TARBP1: variants seen among roughly 807,000 people sequenced by gnomAD.
The protein encoded by TARBP1 is tRNA (guanosine(18)-2'-O)-methyltransferase TARBP1.
TARBP1 carries 144 observed loss-of-function variants against 178.6 expected under a neutral mutation model. The ratio of observed to expected loss-of-function variants is 0.81; its 90% CI spans 0.70 to 0.93. The LOEUF (loss-of-function observed/expected upper bound fraction) is 0.93. Ranked by LOEUF, TARBP1 falls within the 40% of genes least tolerant of loss-of-function variation. The pLI, the probability that TARBP1 is intolerant of heterozygous loss-of-function variation, is 0.00. For synonymous variants in TARBP1, 787 were observed against 781.0 expected (o/e 1.01, Z -0.13); for missense variants, 2,067 against 2,011.7 (o/e 1.03, Z -0.53).
At chr1:234,419,045 G>T (rs1172829660) in intron 21 of TARBP1, among the ~76,000 whole-genome samples, 7 of 152,086 alleles carry the variant, frequency 4.6e-5, no homozygotes, top group Middle Eastern at 3.4e-3. Flanking sequence ...GGTGGTGGGC[G>T]CCTGTAGTCC....
chr1:234,452,047 T>C (rs952511739), intron 9 of TARBP1, among the ~76,000 whole-genome samples: 2 of 152,358 alleles, frequency 1.3e-5, no homozygotes, highest in African/African-American at 2.4e-5. Context: ...ACAGGCATGA[T>C]TCTGCTGTAT....
intron 12 of TARBP1, among the ~76,000 whole-genome samples, chr1:234,441,661 T>C (rs72763888): frequency 0.12 from 18,434 of 152,236 alleles, 1,495 homozygotes; most frequent in East Asian, 0.32. Flanking sequence ...TTAGAACATT[T>C]CATCACCTCA....
chr1:234,438,080 C>A lies in TARBP1; in HGVS notation c.2135-708G>T, dbSNP rs115249543. On this transcript the variant is annotated intron_variant, in intron 12 of 29. Coordinates refer to ENST00000040877, the MANE Select transcript of TARBP1 (RefSeq NM_005646.4). The stretch of plus-strand genomic sequence containing the variant: ...AAGAGCATGGCAAAGGAGGTGAAGA[C>A]AAAACTGACAGCAGAAGCAGCACCC... Among the ~76,000 whole-genome samples, 1,094 of 152,166 alleles carry A rather than the reference C, an allele frequency of 7.2e-3. 12 individuals carry two copies. The highest frequency in any genetic ancestry group is 0.025 in the African/African-American group (1,038 of 41,498).
chr1:234,472,849 T>C, intron 1 of TARBP1, 38 bp from the exon 2 acceptor site: 1 of 1,477,420 alleles, frequency 6.8e-7, no homozygotes, highest in Non-Finnish European at 9.3e-7. Flanking sequence ...TTCTTCCTTT[T>C]GCAAATTTCA....
intron 12 of TARBP1, among the ~76,000 whole-genome samples, chr1:234,445,625 A>T (rs36122810): frequency 0.3 from 45,721 of 151,986 alleles, 7,081 homozygotes; most frequent in Admixed American, 0.41. Context: ...TAAAGTAGTT[A>T]AAAAAATATC....
At chr1:234,460,841 A>C (rs1667783764) in intron 6 of TARBP1, among the ~76,000 whole-genome samples, 1 of 152,258 alleles carries the variant, frequency 6.6e-6, no homozygotes, top group South Asian at 2.1e-4. Context: ...TATACAGTGA[A>C]ATACTATTCA....
At chr1:234,451,964 T>C (rs1666829643) in intron 9 of TARBP1, among the ~76,000 whole-genome samples, 1 of 152,152 alleles carries the variant, frequency 6.6e-6, no homozygotes, top group Admixed American at 6.5e-5. Flanking sequence ...TTTGCATTCC[T>C]CTAAAACTGG....
intron 14 of TARBP1, among the ~76,000 whole-genome samples, chr1:234,432,481 A>G (rs1664558863): frequency 6.6e-6 from 1 of 152,072 alleles, no homozygotes. Flanking sequence ...TGCATACATT[A>G]CTCCAAAAAC....
chr1:234,458,894 C>T (rs1015239477), intron 8 of TARBP1, among the ~76,000 whole-genome samples: 1 of 152,160 alleles, frequency 6.6e-6, no homozygotes, highest in Admixed American at 6.5e-5. Flanking sequence ...GGGACGTGGT[C>T]ATGCAGGCAC....
intron 19 of TARBP1, 98 bp downstream of exon 19, chr1:234,427,219 T>C (rs112668293): frequency 2.6e-6 from 2 of 770,480 alleles, no homozygotes; most frequent in South Asian, 3.8e-5. Flanking sequence ...ATATTAGATG[T>C]CACTTATTAA....
chr1:234,410,883 G>C (rs1280910688), intron 22 of TARBP1, among the ~76,000 whole-genome samples: 1 of 152,186 alleles, frequency 6.6e-6, no homozygotes, highest in Non-Finnish European at 1.5e-5. Context: ...GATCAGCTTG[G>C]CCAACATGGT....
At chr1:234,397,073 G>A (rs997837287) in intron 26 of TARBP1, among the ~76,000 whole-genome samples, 1 of 149,706 alleles carries the variant, frequency 6.7e-6, no homozygotes, top group African/African-American at 2.5e-5. Context: ...ATCGGCTGGG[G>A]AGAGTCAGAA....
intron 26 of TARBP1, among the ~76,000 whole-genome samples, chr1:234,395,020 T>G (rs1303410264): frequency 6.6e-6 from 1 of 151,558 alleles, no homozygotes; most frequent in African/African-American, 2.4e-5. Context: ...GGTCAGGAGT[T>G]TGAGGCCGGC....
intron 13 of TARBP1, among the ~76,000 whole-genome samples, chr1:234,436,657 T>C (rs1665054329): frequency 1.3e-5 from 2 of 152,248 alleles, no homozygotes; most frequent in Non-Finnish European, 2.9e-5. Flanking sequence ...TCTTATTTTA[T>C]TGGCAATGTA....
intron 10 of TARBP1, among the ~76,000 whole-genome samples, chr1:234,449,320 T>C (rs894412428): frequency 2.6e-5 from 4 of 152,194 alleles, no homozygotes; most frequent in African/African-American, 9.7e-5. Context: ...AATCAAAATT[T>C]ATATTTTGAA....
intron 23 of TARBP1, among the ~76,000 whole-genome samples, chr1:234,409,582 C>T (rs1219542793): frequency 2.0e-5 from 3 of 152,196 alleles, no homozygotes; most frequent in Non-Finnish European, 4.4e-5. Flanking sequence ...CACTGGAAGA[C>T]ACCATCAATT....
chr1:234,416,911 A>C (rs184457088), intron 22 of TARBP1, among the ~76,000 whole-genome samples: 69 of 152,342 alleles, frequency 4.5e-4, no homozygotes, highest in South Asian at 3.1e-3. Flanking sequence ...GGAAGTGCAG[A>C]AAGAGAAGCA....
intron 24 of TARBP1, among the ~76,000 whole-genome samples, chr1:234,402,346 A>G (rs1660757963): frequency 6.6e-6 from 1 of 152,198 alleles, no homozygotes; most frequent in Non-Finnish European, 1.5e-5. Context: ...CCCTCTTTTG[A>G]CAGCACCCCC....
intron 11 of TARBP1, among the ~76,000 whole-genome samples, chr1:234,447,345 CAA>C (rs34101720): frequency 0.24 from 23,874 of 100,226 alleles, 3,131 homozygotes; most frequent in African/African-American, 0.41. Flanking sequence ...TTTAAAAATC[CAA>C]AAAAAAAAAA....
Sources: allele counts gnomAD v4.1 joint callset (sites outside exome capture counted in the v4.1 genomes callset), GRCh38; gene constraint gnomAD v4.1.1; transcripts MANE v1.5; gene names NCBI Gene and HGNC (gene_info 2026-07-23, HGNC 2026-07-21).